Variants in CRKL observed in about 807,000 individuals in gnomAD.
CRKL encodes the protein CRK like proto-oncogene, adaptor protein.
In CRKL, 3 loss-of-function variants were observed where a neutral mutation model predicts 23.0. The ratio of observed to expected loss-of-function variants is 0.13; its 90% confidence interval spans 0.06 to 0.34. CRKL has a LOEUF of 0.34. CRKL is among the 10% of genes least tolerant of loss of function. CRKL has a pLI of 1.00. For synonymous variants in CRKL, 188 were observed against 160.7 expected (o/e 1.17, Z -1.28); for missense variants, 256 against 394.5 (o/e 0.65, Z 2.97).
Position 20,952,481 on chromosome 22 carries a change from G to A in CRKL, c.*2636G>A, listed in dbSNP as rs189984591. 43 of 230,930 alleles carry A rather than the reference G, an allele frequency of 1.9e-4. No individual in the cohort carries two copies. The highest frequency in any genetic ancestry group is 1.3e-3 in the Middle Eastern group (1 of 768). 14.3% of individuals were successfully genotyped at this position (230,930 alleles called of 1,614,324 possible). A position where few individuals can be genotyped will look rare whatever the true frequency, so the allele number is the denominator to read the frequency against. ...TGTGCCAAAACTAGTAAAACTTAAC[G>A]GACTTACAACCTTGTCAGTTTTTTT... is the stretch of plus-strand genomic sequence containing the variant. On this transcript the variant is annotated 3_prime_UTR_variant, in exon 3 of 3. Coordinates refer to ENST00000354336, the MANE Select transcript of CRKL (RefSeq NM_005207.4).
intron 1 of CRKL, among the ~76,000 whole-genome samples, chr22:20,925,226 G>A (rs554775723): frequency 4.1e-5 from 6 of 144,824 alleles, no homozygotes; most frequent in African/African-American, 1.5e-4. Flanking sequence ...CCCATGGAAA[G>A]TACTAGTAGC....
At chr22:20,939,673 C>A (rs78578140) in intron 2 of CRKL, among the ~76,000 whole-genome samples, 123 of 73,574 alleles carry the variant, frequency 1.7e-3, no homozygotes, top group African/African-American at 4.4e-3. Flanking sequence ...TTGCCTAGCC[C>A]AGTGTGTGGA....
At chr22:20,937,326 C>T (rs1921701639) in intron 2 of CRKL, among the ~76,000 whole-genome samples, 1 of 151,826 alleles carries the variant, frequency 6.6e-6, no homozygotes, top group Admixed American at 6.6e-5. Flanking sequence ...GATTGGGGAG[C>T]TAGGAGTCAG....
At chr22:20,929,603 A>G (rs909730467) in intron 1 of CRKL, among the ~76,000 whole-genome samples, 13 of 152,248 alleles carry the variant, frequency 8.5e-5, no homozygotes, top group African/African-American at 2.9e-4. Context: ...AGCTGGGCCT[A>G]CAGGCACACG....
chr22:20,925,376 C>T (rs192239224), intron 1 of CRKL, among the ~76,000 whole-genome samples: 3 of 151,946 alleles, frequency 2.0e-5, no homozygotes, highest in East Asian at 1.9e-4. Flanking sequence ...TGGTGGCTCA[C>T]GACTGTAATC....
intron 2 of CRKL, among the ~76,000 whole-genome samples, chr22:20,936,950 T>G (rs1452404229): frequency 6.6e-6 from 1 of 151,746 alleles, no homozygotes; most frequent in African/African-American, 2.4e-5. Flanking sequence ...AACCTCTGCC[T>G]CCTGGGCTCA....
In CRKL at chr22:20,949,833, T is replaced by A; in HGVS notation, c.900T>A (p.Asp300Glu). The change falls in exon 3 of 3, where the codon GAT (aspartate) becomes GAA (glutamate). Residue 300 changes from aspartate (D) to glutamate (E), a missense_variant. By Grantham distance (45) the Asp-to-Glu change is conservative. Around this residue, in one of 3 missense-constraint regions of CRKL, gnomAD observed 129 missense variants for 222.1 expected, o/e 0.58. Transcript: ENST00000354336. ...AAATCTTTGACCCTCAAAACCCAGATGAAAACGAGTGATTGCTGTTGCCCT... is the reference window on the plus strand; with the variant it reads ...AAATCTTTGACCCTCAAAACCCAGAAGAAAACGAGTGATTGCTGTTGCCCT... ...HVKIFDPQNP[D>E]ENE The A allele has an allele frequency of 6.2e-7, 1 of 1,608,030 alleles. No homozygotes were observed. Among genetic ancestry groups the A allele is most frequent in the Non-Finnish European group, 8.5e-7 (1 of 1,177,808 alleles).
At chr22:20,941,595 T>A (rs1313725354) in intron 2 of CRKL, among the ~76,000 whole-genome samples, 1,092 of 88,062 alleles carry the variant, frequency 0.012, 130 homozygotes, top group Non-Finnish European at 0.02. Flanking sequence ...TATATTTTTT[T>A]TTTTTTTTTT....
chr22:20,947,175 C>T (rs1401879158), intron 2 of CRKL, among the ~76,000 whole-genome samples: 1 of 151,656 alleles, frequency 6.6e-6, no homozygotes, highest in Non-Finnish European at 1.5e-5. Flanking sequence ...ATCCTGTGCT[C>T]TGCAGCATTG....
In CRKL at chr22:20,953,573, C is replaced by T. The variant is rs1280212930; in HGVS notation, c.*3728C>T. On this transcript the variant is annotated 3_prime_UTR_variant, in exon 3 of 3. Transcript: ENST00000354336. ...GTTTTATTTTGTGCTATAAAATTAA[C>T]AGTATTAAATGACTTATATTCTTAG... is the stretch of plus-strand genomic sequence containing the variant. 1.8e-5 allele frequency: 4 copies of T among 221,084 alleles called. No homozygotes were observed. The highest frequency in any genetic ancestry group is 1.3e-4 in the East Asian group (2 of 14,890). The allele number at this position is 221,084 out of a possible 1,614,324, so 13.7% of individuals were successfully genotyped here. A position where few individuals can be genotyped will look rare whatever the true frequency, so the allele number is the denominator to read the frequency against.
chr22:20,949,927 G>T lies in CRKL; in HGVS notation c.*82G>T. 2 of 1,517,672 alleles carry T rather than the reference G, an allele frequency of 1.3e-6. No homozygotes were observed. The highest frequency in any genetic ancestry group is 1.3e-5 in the South Asian group (1 of 75,700). The allele number at this position is 1,517,672 out of a possible 1,614,324, so 94.0% of individuals were successfully genotyped here. ...AAGTGGGAAAGCATTTTCTCTCATA[G>T]GCAAGTCACACTGCATTGCCGAAGT... On this transcript the variant is annotated 3_prime_UTR_variant, in exon 3 of 3. Transcript: ENST00000354336.
chr22:20,929,532 C>T (rs976814882), intron 1 of CRKL, among the ~76,000 whole-genome samples: 2 of 151,888 alleles, frequency 1.3e-5, no homozygotes, highest in African/African-American at 2.4e-5. Context: ...GGCATGATCT[C>T]AGCTCACTGC....
chr22:20,927,192 A>ATTTT (rs532930393), intron 1 of CRKL, among the ~76,000 whole-genome samples: 1,065 of 81,942 alleles, frequency 0.013, 107 homozygotes, highest in Admixed American at 0.06. Context: ...TTGGAATTGA[A>ATTTT]TTTTTTTTTT....
chr22:20,947,189 T>C (rs1174432652), intron 2 of CRKL, among the ~76,000 whole-genome samples: 8 of 152,142 alleles, frequency 5.3e-5, no homozygotes, highest in African/African-American at 1.9e-4. Flanking sequence ...AGCATTGAGT[T>C]AATAGTGTTT....
Position 20,951,165 on chromosome 22 carries a change from G to A in CRKL, c.*1320G>A, listed in dbSNP as rs1015506722. On this transcript the variant is annotated 3_prime_UTR_variant, in exon 3 of 3. Coordinates refer to ENST00000354336, the MANE Select transcript of CRKL (RefSeq NM_005207.4). Reference sequence around the variant, plus strand: ...GAATCGTTGGACTCATTAATGAATCGTTCAACTCCACTCACTGAAGCCCAG... The same window carrying A: ...GAATCGTTGGACTCATTAATGAATCATTCAACTCCACTCACTGAAGCCCAG... The A allele has an allele frequency of 1.7e-5, 4 of 231,906 alleles. No individual in the cohort carries two copies. Among genetic ancestry groups the A allele is most frequent in the African/African-American group, 2.2e-5 (1 of 45,250 alleles). 14.4% of individuals were successfully genotyped at this position (231,906 alleles called of 1,614,324 possible). A position where few individuals can be genotyped will look rare whatever the true frequency, so the allele number is the denominator to read the frequency against.
At chr22:20,921,234 G>T (rs771219533) in intron 1 of CRKL, among the ~76,000 whole-genome samples, 12 of 152,110 alleles carry the variant, frequency 7.9e-5, no homozygotes, top group African/African-American at 1.4e-4. Flanking sequence ...TAATATTTTG[G>T]TTTATCTTGC....
intron 2 of CRKL, among the ~76,000 whole-genome samples, chr22:20,937,643 C>T (rs1271475283): frequency 6.6e-6 from 1 of 151,252 alleles, no homozygotes; most frequent in East Asian, 1.9e-4. Flanking sequence ...TTTAAGATAA[C>T]CTACATACTT....
intron 1 of CRKL, among the ~76,000 whole-genome samples, chr22:20,919,269 A>C (rs1929802773): frequency 6.6e-6 from 1 of 152,078 alleles, no homozygotes; most frequent in South Asian, 2.1e-4. Flanking sequence ...TTTTTTGGAA[A>C]ATTTATTGCA....
chr22:20,923,990 C>T (rs918401370), intron 1 of CRKL, among the ~76,000 whole-genome samples: 2 of 151,944 alleles, frequency 1.3e-5, no homozygotes, highest in African/African-American at 4.8e-5. Flanking sequence ...AGTTTGAGAC[C>T]AGCCCTGGCA....
Sources: gnomAD v4.1 joint callset for allele counts (sites outside exome capture counted in the v4.1 genomes callset) on GRCh38, gnomAD v4.1.1 for gene constraint, gnomAD v4.1.1 regional missense constraint, MANE v1.5 for transcripts, NCBI Gene and HGNC (gene_info 2026-07-23, HGNC 2026-07-21) for gene names.